ATXN10: variants seen among roughly 807,000 people sequenced by gnomAD.
ATXN10 encodes ataxin-10.
A neutral mutation model predicts 52.9 loss-of-function variants in ATXN10; 28 were observed. That is an observed-to-expected ratio of 0.53 (90% CI 0.39 to 0.73). The LOEUF is 0.73. ATXN10 is among the 30% of genes least tolerant of loss of function. The probability of loss-of-function intolerance (pLI) is 0.00; values close to 1 mark genes in which losing one functional copy is unlikely to be tolerated. For missense variants in ATXN10, 565 were observed against 577.0 expected, an observed-to-expected ratio of 0.98 and a Z score of 0.21; for synonymous variants, 226 against 221.5, an observed-to-expected ratio of 1.02 and a Z score of -0.18.
At position 45,784,504 on chromosome 22, in the gene ATXN10, C is replaced by G. The variant is rs955494006; in HGVS notation, c.1174-22455C>G. Among the ~76,000 whole-genome samples, 1 of 152,188 alleles carries G rather than the reference C, an allele frequency of 6.6e-6. No individual in the cohort carries two copies. Among genetic ancestry groups the G allele is most frequent in the Admixed American group, 6.5e-5 (1 of 15,282 alleles). On this transcript the variant is annotated intron_variant, in intron 9 of 11. Coordinates refer to ENST00000252934, the MANE Select transcript of ATXN10 (RefSeq NM_013236.4). This position sits in a 1 kb window ranked among gnomAD's most constrained non-coding sequence, Gnocchi z 4.2. ...TCTGCACCCCGAGTGTCACATTGCACAGTCTGCCTCAGGTAACAGTGGGGC... is the reference window on the plus strand; with the variant it reads ...TCTGCACCCCGAGTGTCACATTGCAGAGTCTGCCTCAGGTAACAGTGGGGC...
chr22:45,683,412 C>T lies in ATXN10; in HGVS notation c.117-6300C>T, dbSNP rs1407743499. ...CCTACTGTGCCTGTCCAGGGTGGCT[C>T]TGTCTTGTCTCTCTGAGTCGCACTT... On this transcript the variant is annotated intron_variant, in intron 1 of 11. Coordinates refer to ENST00000252934, the MANE Select transcript of ATXN10 (RefSeq NM_013236.4). The surrounding 1 kb of genome is among the most constrained non-coding windows in gnomAD (Gnocchi z 4.8). Among the ~76,000 whole-genome samples the T allele has an allele frequency of 6.6e-6, 1 of 152,144 alleles. No individual in the cohort carries two copies. The highest frequency in any genetic ancestry group is 1.9e-4 in the East Asian group (1 of 5,182).
At chr22:45,694,878 T>C (rs1006994482) in intron 3 of ATXN10, among the ~76,000 whole-genome samples, 1 of 141,282 alleles carries the variant, frequency 7.1e-6, no homozygotes, top group African/African-American at 2.8e-5. Context: ...GAGGTGGAAG[T>C]TGCAGTGAGC....
At chr22:45,720,526 A>G (rs543390621) in intron 6 of ATXN10, among the ~76,000 whole-genome samples, 3 of 152,206 alleles carry the variant, frequency 2.0e-5, no homozygotes, top group South Asian at 4.1e-4. Context: ...TTTTTAATGT[A>G]CGGTTCAGGG....
rs1467796549 is a variant in ATXN10 at position 45,781,927 on chromosome 22, C to T, written c.1174-25032C>T. On this transcript the variant is annotated intron_variant, in intron 9 of 11. Coordinates refer to ENST00000252934, the MANE Select transcript of ATXN10 (RefSeq NM_013236.4). This position sits in a 1 kb window ranked among gnomAD's most constrained non-coding sequence, Gnocchi z 4.2. ...AATAAAAATTATCCAGTCTGAACAA[C>T]AGAAAGAAAATAGACTGTACAAAAA... is the stretch of plus-strand genomic sequence containing the variant. 6.6e-6 allele frequency among the ~76,000 whole-genome samples: 1 copy of T among 152,098 alleles called. No homozygotes were observed. The highest frequency in any genetic ancestry group is 2.4e-5 in the African/African-American group (1 of 41,428).
rs960048458 is a variant in ATXN10, at chr22:45,728,916, C to G, written c.729-509C>G. Among the ~76,000 whole-genome samples the G allele has an allele frequency of 6.6e-6, 1 of 152,210 alleles. No homozygotes were observed. The highest frequency in any genetic ancestry group is 2.4e-5 in the African/African-American group (1 of 41,460). On this transcript the variant is annotated intron_variant, in intron 6 of 11. Transcript: ENST00000252934. This position sits in a 1 kb window ranked among gnomAD's most constrained non-coding sequence, Gnocchi z 4.3. ...CACAGATTGAATCCTAGCTTAGACT[C>G]TCAGTGGTTTTGTGACACTGGACAA...
At position 45,772,141 on chromosome 22, in the gene ATXN10, C is replaced by A. The variant is rs1949669357; in HGVS notation, c.1173+31603C>A. Among the ~76,000 whole-genome samples, 1 of 152,176 alleles carries A rather than the reference C, an allele frequency of 6.6e-6. No individual in the cohort carries two copies. Among genetic ancestry groups the A allele is most frequent in the South Asian group, 2.1e-4 (1 of 4,832 alleles). On this transcript the variant is annotated intron_variant, in intron 9 of 11. Transcript: ENST00000252934. The surrounding 1 kb of genome is among the most constrained non-coding windows in gnomAD (Gnocchi z 4.1). ...TACTTTTTGTGTCATTTCAAGAACTCTGTCCCTAATTCAGAATCACAAGAA... is the reference window on the plus strand; with the variant it reads ...TACTTTTTGTGTCATTTCAAGAACTATGTCCCTAATTCAGAATCACAAGAA...
intron 1 of ATXN10, among the ~76,000 whole-genome samples, chr22:45,686,438 T>G (rs1179002796): frequency 6.6e-6 from 1 of 152,232 alleles, no homozygotes; most frequent in Admixed American, 6.5e-5. Context: ...TCCAGTCTTA[T>G]GAACAGATCT....
chr22:45,770,094 C>CA lies in ATXN10; in HGVS notation c.1173+29558dup, dbSNP rs144271759. Among the ~76,000 whole-genome samples, 9,424 of 152,226 alleles carry CA rather than the reference C, an allele frequency of 0.062. 304 individuals are homozygous for CA. The highest frequency in any genetic ancestry group is 0.078 in the African/African-American group (3,241 of 41,540). ...TGTTTCTTGAGAAATGATTATGTGT[C>CA]AAGCTCTGTGCTTTCTGTATGCCAT... On this transcript the variant is annotated intron_variant, in intron 9 of 11. Coordinates refer to ENST00000252934, the MANE Select transcript of ATXN10 (RefSeq NM_013236.4). This position sits in a 1 kb window ranked among gnomAD's most constrained non-coding sequence, Gnocchi z 4.5.
At chr22:45,711,548 G>T (rs545045572) in intron 5 of ATXN10, among the ~76,000 whole-genome samples, 1 of 152,094 alleles carries the variant, frequency 6.6e-6, no homozygotes, top group African/African-American at 2.4e-5. Flanking sequence ...AGTAAGATCC[G>T]CACATCGTGT....
At chr22:45,723,681 C>G (rs1924751842) in intron 6 of ATXN10, among the ~76,000 whole-genome samples, 1 of 152,088 alleles carries the variant, frequency 6.6e-6, no homozygotes, top group Admixed American at 6.5e-5. Flanking sequence ...TCCAACTGGG[C>G]ATGGTGGCTC....
At chr22:45,838,462 A>G (rs925787823) in intron 10 of ATXN10, among the ~76,000 whole-genome samples, 1 of 152,262 alleles carries the variant, frequency 6.6e-6, no homozygotes, top group African/African-American at 2.4e-5. Flanking sequence ...AAACAGGCTC[A>G]TGCCTTCTAT....
rs1929428190 is a variant in ATXN10 at position 45,843,856 on chromosome 22, T to G, written c.*185T>G. ...GAAAGTAACTGAGTGTTCTCTTGTT[T>G]CTTTGCATTAATGTAACTGTGTGGT... On this transcript the variant is annotated 3_prime_UTR_variant, in exon 12 of 12. Transcript: ENST00000252934. The surrounding 1 kb of genome is among the most constrained non-coding windows in gnomAD (Gnocchi z 4.5). 1 of 636,652 alleles carries G rather than the reference T, an allele frequency of 1.6e-6. No individual in the cohort carries two copies. The highest frequency in any genetic ancestry group is 2.7e-5 in the Admixed American group (1 of 36,984). 39.4% of individuals were successfully genotyped at this position (636,652 alleles called of 1,614,324 possible).
chr22:45,687,826 C>G (rs954196118), intron 1 of ATXN10, among the ~76,000 whole-genome samples: 2 of 152,090 alleles, frequency 1.3e-5, no homozygotes, highest in African/African-American at 4.8e-5. Context: ...TTTGGGAGGC[C>G]GAGGTAGGCA....
chr22:45,787,940 C>T lies in ATXN10; in HGVS notation c.1174-19019C>T, dbSNP rs1390892807. On this transcript the variant is annotated intron_variant, in intron 9 of 11. Transcript: ENST00000252934. This position sits in a 1 kb window ranked among gnomAD's most constrained non-coding sequence, Gnocchi z 4.2. ...TATCAGGAATGAGTGTTTACATTTG[C>T]CTACAATATTTAGTGTGGGATTACT... Among the ~76,000 whole-genome samples the T allele has an allele frequency of 6.6e-6, 1 of 152,088 alleles. No individual in the cohort carries two copies. The highest frequency in any genetic ancestry group is 6.6e-5 in the Admixed American group (1 of 15,266).
At chr22:45,838,508 C>T (rs747299747) in intron 10 of ATXN10, among the ~76,000 whole-genome samples, 9 of 152,222 alleles carry the variant, frequency 5.9e-5, no homozygotes, top group Non-Finnish European at 1.0e-4. Context: ...AGCTCTCTTT[C>T]TAAAGCTAAG....
chr22:45,755,940 C>T (rs561905786), intron 9 of ATXN10, among the ~76,000 whole-genome samples: 2 of 152,202 alleles, frequency 1.3e-5, no homozygotes, highest in African/African-American at 2.4e-5. Context: ...AGGGTGCAAC[C>T]GCATAAGAAC....
rs1479409592 is a variant in ATXN10 at position 45,774,670 on chromosome 22, C to T, written c.1174-32289C>T. Among the ~76,000 whole-genome samples, 2 of 152,124 alleles carry T rather than the reference C, an allele frequency of 1.3e-5. No homozygotes were observed. The highest frequency in any genetic ancestry group is 4.8e-5 in the African/African-American group (2 of 41,430). On this transcript the variant is annotated intron_variant, in intron 9 of 11. Transcript: ENST00000252934. This position sits in a 1 kb window ranked among gnomAD's most constrained non-coding sequence, Gnocchi z 6.2. ...CAGGGGGGCTGGACGCGGTGGCTCA[C>T]GCTTATAATCCTAGCACTTTGGGAG...
chr22:45,768,958 A>G (rs937280804), intron 9 of ATXN10, among the ~76,000 whole-genome samples: 3 of 152,252 alleles, frequency 2.0e-5, no homozygotes. Flanking sequence ...AGAAATACCA[A>G]GGTATTAGCT....
At chr22:45,731,603 A>G (rs1382959004) in intron 7 of ATXN10, among the ~76,000 whole-genome samples, 1 of 152,194 alleles carries the variant, frequency 6.6e-6, no homozygotes, top group Non-Finnish European at 1.5e-5. Context: ...GAGGAGAGGG[A>G]TTGGAATCCA....
Sources: gnomAD v4.1 joint callset for allele counts (sites outside exome capture counted in the v4.1 genomes callset) on GRCh38, gnomAD v4.1.1 for gene constraint, Gnocchi (gnomAD v3.1) non-coding constraint, MANE v1.5 for transcripts, NCBI Gene and HGNC (gene_info 2026-07-23, HGNC 2026-07-21) for gene names.